Variants in SNX29 observed in about 807,000 individuals in gnomAD.
The protein encoded by SNX29 is sorting nexin 29.
Under a neutral mutation model 102.1 loss-of-function variants are expected in SNX29, and 78 were observed. The observed-to-expected ratio is 0.76, with a 90% CI of 0.64 to 0.92. SNX29 has a LOEUF of 0.92. Among genes scored for constraint, SNX29 ranks in the 40% least tolerant of loss-of-function variants. The probability of loss-of-function intolerance (pLI) is 0.00; values close to 1 mark genes in which losing one functional copy is unlikely to be tolerated. For synonymous variants in SNX29, 580 were observed against 414.5 expected (o/e 1.40, Z -4.85); for missense variants, 1,280 against 1,061.7 (o/e 1.21, Z -2.86).
chr16:12,478,118 A>G (rs990797384), intron 19 of SNX29, among the ~76,000 whole-genome samples: 1 of 152,216 alleles, frequency 6.6e-6, no homozygotes, highest in African/African-American at 2.4e-5. Flanking sequence ...AGGGCCAGAG[A>G]GTAAATATGT....
At chr16:12,487,520 C>T (rs892855436) in intron 19 of SNX29, among the ~76,000 whole-genome samples, 5 of 152,176 alleles carry the variant, frequency 3.3e-5, no homozygotes, top group African/African-American at 1.2e-4. Context: ...GTGCCGGAGC[C>T]AGGAATTGAG....
In SNX29 at chr16:12,548,852, G is replaced by A. The variant is rs543957135; in HGVS notation, c.2319-19654G>A. On this transcript the variant is annotated intron_variant, in intron 20 of 20. Coordinates refer to ENST00000566228, the MANE Select transcript of SNX29 (RefSeq NM_032167.5). ...GCCCTGTCTAGCTCTCAGTTCCTCT[G>A]CTCTGCAGCCAGGGCCCTTGGCCTG... 6.1e-3 allele frequency among the ~76,000 whole-genome samples: 935 copies of A among 152,300 alleles called. 14 individuals carry two copies. Among genetic ancestry groups the A allele is most frequent in the African/African-American group, 0.022 (896 of 41,550 alleles).
intron 14 of SNX29, among the ~76,000 whole-genome samples, chr16:12,224,661 G>T (rs1471363100): frequency 6.6e-6 from 1 of 152,246 alleles, no homozygotes; most frequent in East Asian, 1.9e-4. Context: ...GCCTACATGT[G>T]CAAAAGCAGG....
intron 15 of SNX29, among the ~76,000 whole-genome samples, chr16:12,332,718 C>G (rs1596951643): frequency 6.6e-6 from 1 of 152,186 alleles, no homozygotes; most frequent in Non-Finnish European, 1.5e-5. Context: ...CTGTCTTTCT[C>G]TTATCCTCCC....
At chr16:12,555,599 C>T (rs910536328) in intron 20 of SNX29, among the ~76,000 whole-genome samples, 1 of 151,882 alleles carries the variant, frequency 6.6e-6, no homozygotes, top group African/African-American at 2.4e-5. Flanking sequence ...TACCCAGCAG[C>T]TGCCCTTAGT....
intron 18 of SNX29, among the ~76,000 whole-genome samples, chr16:12,406,363 G>T (rs2084166310): frequency 6.6e-6 from 1 of 152,174 alleles, no homozygotes; most frequent in Non-Finnish European, 1.5e-5. Flanking sequence ...TTCCACACAG[G>T]ATTTGAGATT....
intron 14 of SNX29, among the ~76,000 whole-genome samples, chr16:12,262,479 A>G (rs891393866): frequency 6.6e-6 from 1 of 152,208 alleles, no homozygotes; most frequent in African/African-American, 2.4e-5. Flanking sequence ...TGTTATTTGA[A>G]TTGGGATCAA....
chr16:12,336,724 C>T (rs764753260), intron 15 of SNX29, among the ~76,000 whole-genome samples: 6 of 152,152 alleles, frequency 3.9e-5, no homozygotes, highest in Admixed American at 1.3e-4. Context: ...GCAGGAGGAT[C>T]GCTTGAGTCC....
chr16:12,507,020 C>G (rs1220281271), intron 19 of SNX29, among the ~76,000 whole-genome samples: 1 of 152,142 alleles, frequency 6.6e-6, no homozygotes, highest in Non-Finnish European at 1.5e-5. Context: ...TGTACTGAAC[C>G]TGTAGATTAT....
At chr16:12,566,411 G>A (rs565950352) in intron 20 of SNX29, among the ~76,000 whole-genome samples, 2 of 80,644 alleles carry the variant, frequency 2.5e-5, no homozygotes, top group South Asian at 3.8e-4. Flanking sequence ...CTCAGAGCCT[G>A]TTACCTCCAG....
Position 12,573,767 on chromosome 16 carries a change from AC to A in SNX29, c.*5142del, listed in dbSNP as rs1393288400. On this transcript the variant is annotated 3_prime_UTR_variant, in exon 21 of 21. Transcript: ENST00000566228. ...ACCCAGAGCTACTAAACGCTCAGTG[AC>A]CCCAGAGACCATTAATTTCCCGGAG... is the stretch of plus-strand genomic sequence containing the variant. 4.5e-6 allele frequency: 1 copy of A among 222,536 alleles called. No individual in the cohort carries two copies. The highest frequency in any genetic ancestry group is 6.5e-5 in the East Asian group (1 of 15,310). The allele number at this position is 222,536 out of a possible 1,614,324, so 13.8% of individuals were successfully genotyped here.
At chr16:12,554,493 A>C (rs1446629260) in intron 20 of SNX29, among the ~76,000 whole-genome samples, 1 of 152,150 alleles carries the variant, frequency 6.6e-6, no homozygotes, top group South Asian at 2.1e-4. Context: ...AGTGGTTTCC[A>C]AGCTTCCTCC....
chr16:12,343,719 GGC>G (rs2081686127), intron 15 of SNX29, among the ~76,000 whole-genome samples: 2 of 151,712 alleles, frequency 1.3e-5, no homozygotes, highest in African/African-American at 4.9e-5. Context: ...TGAGGGCAGG[GGC>G]AGGGGCAGGG....
intron 19 of SNX29, among the ~76,000 whole-genome samples, chr16:12,513,905 C>G (rs1433467156): frequency 6.6e-6 from 1 of 152,170 alleles, no homozygotes. Flanking sequence ...GTGGCAATAA[C>G]AGGAATTGCT....
intron 20 of SNX29, among the ~76,000 whole-genome samples, chr16:12,547,779 G>A (rs957358171): frequency 7.9e-5 from 12 of 152,170 alleles, no homozygotes; most frequent in African/African-American, 2.9e-4. Context: ...ACACTTGCCT[G>A]GCTACCGAAC....
At chr16:12,480,266 G>A (rs150851476) in intron 19 of SNX29, among the ~76,000 whole-genome samples, 6 of 152,222 alleles carry the variant, frequency 3.9e-5, no homozygotes, top group Admixed American at 1.3e-4. Context: ...CGTCACCCAG[G>A]CCTCTTCCTT....
intron 20 of SNX29, among the ~76,000 whole-genome samples, chr16:12,544,008 G>GC (rs560506210): frequency 1.3e-5 from 2 of 152,184 alleles, no homozygotes; most frequent in Admixed American, 6.5e-5. Context: ...AAATGCAAAA[G>GC]CCCTGGACTC....
chr16:11,982,721 G>T (rs2055450544), intron 1 of SNX29, among the ~76,000 whole-genome samples: 2 of 152,008 alleles, frequency 1.3e-5, no homozygotes, highest in Admixed American at 1.3e-4. Flanking sequence ...GAGCCACCGT[G>T]CCCGGTCTCC....
At chr16:12,080,959 G>T (rs567336718) in intron 11 of SNX29, among the ~76,000 whole-genome samples, 1 of 152,290 alleles carries the variant, frequency 6.6e-6, no homozygotes, top group African/African-American at 2.4e-5. Context: ...TGGGATTACA[G>T]GTGTGAGCCA....
Sources: gnomAD v4.1 joint callset for allele counts (sites outside exome capture counted in the v4.1 genomes callset) on GRCh38, gnomAD v4.1.1 for gene constraint, MANE v1.5 for transcripts, NCBI Gene and HGNC (gene_info 2026-07-23, HGNC 2026-07-21) for gene names.